Variants in PRPSAP2 observed in about 807,000 individuals in gnomAD.
PRPSAP2 encodes the protein phosphoribosyl pyrophosphate synthase-associated protein 2.
In PRPSAP2, 24 loss-of-function variants were observed where a neutral mutation model predicts 40.6. The ratio of observed to expected loss-of-function variants is 0.59; its 90% CI spans 0.43 to 0.83. The LOEUF (loss-of-function observed/expected upper bound fraction) is 0.83. PRPSAP2 is among the 40% of genes least tolerant of loss of function. The probability of loss-of-function intolerance (pLI) is 0.00; values close to 1 mark genes in which losing one functional copy is unlikely to be tolerated. For missense variants in PRPSAP2, 292 were observed against 465.6 expected, an observed-to-expected ratio of 0.63 and a Z score of 3.43; for synonymous variants, 149 against 164.7, an observed-to-expected ratio of 0.90 and a Z score of 0.73.
intron 8 of PRPSAP2, among the ~76,000 whole-genome samples, chr17:18,903,693 C>T (rs1313461292): frequency 2.0e-5 from 3 of 152,092 alleles, no homozygotes; most frequent in Non-Finnish European, 4.4e-5. Flanking sequence ...GAGATCACAC[C>T]ACTGCACTCC....
intron 4 of PRPSAP2, among the ~76,000 whole-genome samples, chr17:18,872,151 T>C (rs2037933713): frequency 1.3e-5 from 2 of 151,842 alleles, no homozygotes; most frequent in Admixed American, 1.3e-4. Flanking sequence ...CGGGCGCCTG[T>C]AGTTCCAGCC....
chr17:18,871,613 GAATTGAT>G (rs774253105), intron 4 of PRPSAP2, among the ~76,000 whole-genome samples: 15 of 149,876 alleles, frequency 1.0e-4, no homozygotes, highest in Non-Finnish European at 3.0e-5. Flanking sequence ...AATACATTCT[GAATTGAT>G]AATTGATGCT....
At chr17:18,857,580 A>AT (rs35569332), upstream of PRPSAP2, among the ~76,000 whole-genome samples, 13,553 of 142,334 alleles carry the variant, frequency 0.095, 800 homozygotes, top group African/African-American at 0.16. Flanking sequence ...CGCCTGGCTA[A>AT]TTTTTTTTTT....
chr17:18,908,963 C>T (rs903261751), intron 8 of PRPSAP2: 2 of 322,898 alleles, frequency 6.2e-6, no homozygotes, highest in Non-Finnish European at 1.2e-5. Context: ...TTTGTTTTTA[C>T]AAGGGATGTT....
chr17:18,905,433 C>T (rs1478412588), intron 8 of PRPSAP2, among the ~76,000 whole-genome samples: 1 of 152,120 alleles, frequency 6.6e-6, no homozygotes, highest in African/African-American at 2.4e-5. Flanking sequence ...AAAAGACTTC[C>T]TTAGAGGATA....
intron 8 of PRPSAP2, among the ~76,000 whole-genome samples, chr17:18,890,615 A>G (rs899144393): frequency 2.0e-5 from 3 of 152,190 alleles, no homozygotes; most frequent in Non-Finnish European, 1.5e-5. Flanking sequence ...CCTGACCTCA[A>G]TCATATTTCT....
chr17:18,926,804 T>G (rs113358408), intron 10 of PRPSAP2, among the ~76,000 whole-genome samples: 44 of 126,642 alleles, frequency 3.5e-4, no homozygotes, highest in African/African-American at 1.4e-3. Flanking sequence ...GTGTGTGTGT[T>G]TGTGTTTGTG....
intron 4 of PRPSAP2, among the ~76,000 whole-genome samples, chr17:18,869,838 T>TGTGTGTGTGTGTG (rs58195806): frequency 0.11 from 15,022 of 139,098 alleles, 1,002 homozygotes; most frequent in African/African-American, 0.16. Flanking sequence ...TTGCTACTTT[T>TGTGTGTGTGTGTG]TTTTTGTGTG....
chr17:18,890,641 A>G (rs895757883), intron 8 of PRPSAP2, among the ~76,000 whole-genome samples: 1 of 152,198 alleles, frequency 6.6e-6, no homozygotes, highest in African/African-American at 2.4e-5. Context: ...AAAGCAATCC[A>G]GTTCTGGGGA....
intron 9 of PRPSAP2, among the ~76,000 whole-genome samples, chr17:18,913,101 C>G (rs2041063389): frequency 2.0e-5 from 3 of 152,172 alleles, no homozygotes; most frequent in Non-Finnish European, 4.4e-5. Flanking sequence ...AGTGGTTCTA[C>G]CAGTCTTGGG....
intron 8 of PRPSAP2, among the ~76,000 whole-genome samples, chr17:18,892,688 AGTGTGTGTGTGTGTGTGTGTGTGT>A (rs3043879): frequency 1.3e-5 from 1 of 75,382 alleles, no homozygotes; most frequent in East Asian, 3.3e-4. Flanking sequence ...CAGCCTGTTG[AGTGTGTGTGTGTGTGTGTGTGTGT>A]GTGTGTGTGT....
Position 18,867,353 on chromosome 17 carries a change from G to A in PRPSAP2, c.172+19G>A, listed in dbSNP as rs2037508150. The A allele has an allele frequency of 1.2e-6, 2 of 1,613,502 alleles. No individual in the cohort carries two copies. The highest frequency in any genetic ancestry group is 1.1e-5 in the South Asian group (1 of 91,034). On this transcript the variant is annotated intron_variant, in intron 4 of 11. Coordinates refer to ENST00000268835, the MANE Select transcript of PRPSAP2 (RefSeq NM_002767.4). ...AACAGAGGTGAGCTATCTTGGGCAT[G>A]TGGAACATTGACCTTTTTGTGAAAT...
At chr17:18,859,015 A>C (rs777742275) in intron 1 of PRPSAP2, among the ~76,000 whole-genome samples, 1 of 152,046 alleles carries the variant, frequency 6.6e-6, no homozygotes, top group Non-Finnish European at 1.5e-5. Flanking sequence ...AGCTCGTTCC[A>C]CTTAAAGTCA....
intron 9 of PRPSAP2, among the ~76,000 whole-genome samples, chr17:18,920,029 G>T (rs962477408): frequency 6.6e-6 from 1 of 152,182 alleles, no homozygotes; most frequent in Non-Finnish European, 1.5e-5. Flanking sequence ...TTGGTGCTGG[G>T]GGGTAGGCCT....
chr17:18,893,581 C>T (rs1421940853), intron 8 of PRPSAP2, among the ~76,000 whole-genome samples: 5 of 123,898 alleles, frequency 4.0e-5, no homozygotes, highest in East Asian at 2.1e-4. Context: ...ATAGTGAGAC[C>T]TCGTTTTTAA....
At chr17:18,865,021 A>G (rs1336587189) in intron 1 of PRPSAP2, 1 of 151,894 alleles carries the variant, frequency 6.6e-6, no homozygotes, top group Non-Finnish European at 1.5e-5. Context: ...TATTTTTTGT[A>G]TTTTTAGTAG....
chr17:18,900,746 C>A (rs574672485), intron 8 of PRPSAP2, among the ~76,000 whole-genome samples: 2 of 152,100 alleles, frequency 1.3e-5, no homozygotes, highest in African/African-American at 4.8e-5. Flanking sequence ...CCTTGTTACT[C>A]ATGGGTGGAA....
At chr17:18,868,842 C>T (rs1371562695) in intron 4 of PRPSAP2, among the ~76,000 whole-genome samples, 1 of 151,748 alleles carries the variant, frequency 6.6e-6, no homozygotes. Context: ...CAGGTGTGAG[C>T]CACCAGGCCT....
intron 8 of PRPSAP2, among the ~76,000 whole-genome samples, chr17:18,892,714 TGTGTG>T (rs1567708914): frequency 4.1e-5 from 4 of 97,264 alleles, no homozygotes; most frequent in African/African-American, 8.0e-5. Flanking sequence ...TGTGTGTGTG[TGTGTG>T]TGTGTGTGTA....
Sources: allele counts gnomAD v4.1 joint callset (sites outside exome capture counted in the v4.1 genomes callset), GRCh38; gene constraint gnomAD v4.1.1; transcripts MANE v1.5; gene names NCBI Gene and HGNC (gene_info 2026-07-23, HGNC 2026-07-21).